The following PRRG4 variants were observed in gnomAD, a reference collection of about 807,000 sequenced individuals.
PRRG4 encodes transmembrane gamma-carboxyglutamic acid protein 4.
A neutral mutation model predicts 20.0 loss-of-function variants in PRRG4; 12 were observed. The observed-to-expected ratio is 0.60, with a 90% confidence interval of 0.38 to 0.97. The LOEUF is 0.97. Among genes scored for constraint, PRRG4 ranks in the 50% least tolerant of loss-of-function variants. The probability of loss-of-function intolerance (pLI) is 0.00; values close to 1 mark genes in which losing one functional copy is unlikely to be tolerated. For missense variants in PRRG4, 199 were observed against 265.1 expected, an observed-to-expected ratio of 0.75 and a Z score of 1.73; for synonymous variants, 94 against 96.4, an observed-to-expected ratio of 0.98 and a Z score of 0.15.
At position 32,836,805 on chromosome 11, in the gene PRRG4, T is replaced by A; in HGVS notation, c.251T>A (p.Val84Glu). 6.2e-7 allele frequency: 1 copy of A among 1,611,654 alleles called. No homozygotes were observed. Among genetic ancestry groups the A allele is most frequent in the Non-Finnish European group, 8.5e-7 (1 of 1,179,070 alleles). ...CNYEEAREIF[V>E]DEDKTIAFWQ... Reference sequence around the variant, plus strand: ...TATGAGGAAGCCAGAGAGATTTTTGTGGATGAAGATAAAACGGTAATGTGG... The same window carrying A: ...TATGAGGAAGCCAGAGAGATTTTTGAGGATGAAGATAAAACGGTAATGTGG... Residue 84 changes from valine (V) to glutamate (E), a missense_variant, in exon 3 of 6, where the codon GTG becomes GAG. Physicochemically the swap from Val to Glu is moderately radical, Grantham distance 121. Transcript: ENST00000257836.
chr11:32,846,816 G>T (rs925917253), intron 5 of PRRG4, among the ~76,000 whole-genome samples: 2 of 152,024 alleles, frequency 1.3e-5, no homozygotes, highest in African/African-American at 2.4e-5. Context: ...TGGCCAACAC[G>T]GTGAAACCCC....
At chr11:32,845,452 C>T (rs1851119912) in intron 5 of PRRG4, among the ~76,000 whole-genome samples, 2 of 151,952 alleles carry the variant, frequency 1.3e-5, no homozygotes, top group South Asian at 2.1e-4. Flanking sequence ...GGTGAAACCC[C>T]GTCTCTCCTA....
At chr11:32,849,365 A>C (rs186247553) in intron 5 of PRRG4, among the ~76,000 whole-genome samples, 1 of 152,156 alleles carries the variant, frequency 6.6e-6, no homozygotes, top group East Asian at 1.9e-4. Flanking sequence ...TTCTCAAAAA[A>C]TAAAATAAAA....
intron 2 of PRRG4, among the ~76,000 whole-genome samples, chr11:32,833,005 T>C (rs1020247894): frequency 6.6e-6 from 1 of 152,102 alleles, no homozygotes; most frequent in East Asian, 1.9e-4. Flanking sequence ...CCTCCAGCCA[T>C]GGTCAAGGGG....
At chr11:32,839,094 G>A (rs1433191088) in intron 4 of PRRG4, among the ~76,000 whole-genome samples, 164 bp downstream of exon 4, 2 of 152,112 alleles carry the variant, frequency 1.3e-5, no homozygotes, top group Non-Finnish European at 2.9e-5. Flanking sequence ...GAAAAGGACA[G>A]ATTCATCTAT....
At chr11:32,848,911 G>A (rs1341840888) in intron 5 of PRRG4, among the ~76,000 whole-genome samples, 1 of 151,724 alleles carries the variant, frequency 6.6e-6, no homozygotes, top group Non-Finnish European at 1.5e-5. Flanking sequence ...GGTGGAGGCT[G>A]CAGTGAGCCG....
At chr11:32,846,215 G>T (rs1851129472) in intron 5 of PRRG4, among the ~76,000 whole-genome samples, 1 of 152,094 alleles carries the variant, frequency 6.6e-6, no homozygotes, top group South Asian at 2.1e-4. Context: ...TCACTATGTT[G>T]CCCAGGCTGA....
intron 3 of PRRG4, 93 bp from the exon 4 acceptor site, chr11:32,838,789 A>G: frequency 1.1e-6 from 1 of 874,190 alleles, no homozygotes; most frequent in Non-Finnish European, 1.9e-6. Flanking sequence ...GTGCATGCCA[A>G]GAGTTTACTA....
At chr11:32,851,946 A>G (rs993813455) in intron 5 of PRRG4, among the ~76,000 whole-genome samples, 3 of 152,200 alleles carry the variant, frequency 2.0e-5, no homozygotes, top group Non-Finnish European at 4.4e-5. Context: ...GATACTTTAT[A>G]AATAGCCTAA....
chr11:32,844,769 G>A (rs1454348304), intron 5 of PRRG4, among the ~76,000 whole-genome samples: 2 of 152,040 alleles, frequency 1.3e-5, no homozygotes, highest in East Asian at 3.9e-4. Context: ...CCAAAGTGCT[G>A]GGATTACAGG....
intron 5 of PRRG4, among the ~76,000 whole-genome samples, chr11:32,846,227 C>T (rs1472362887): frequency 1.3e-5 from 2 of 152,136 alleles, no homozygotes; most frequent in Non-Finnish European, 2.9e-5. Context: ...CCAGGCTGAT[C>T]TGGAACTCCT....
chr11:32,832,465 C>A (rs1349525657), intron 2 of PRRG4, among the ~76,000 whole-genome samples: 1 of 145,476 alleles, frequency 6.9e-6, no homozygotes, highest in Non-Finnish European at 1.5e-5. Context: ...AAATAAAGGA[C>A]CTTTGGTGAA....
In PRRG4 at chr11:32,840,269, T is replaced by C; in HGVS notation, c.449+30T>C. On this transcript the variant is annotated intron_variant, in intron 5 of 5. Transcript: ENST00000257836. The surrounding 1 kb of genome is among the most constrained non-coding windows in gnomAD (Gnocchi z 4.1). The stretch of plus-strand genomic sequence containing the variant: ...GTACTAAGTGAAATTATTTAATTCA[T>C]CACTAGACATTCTATATTATTATTT... The C allele has an allele frequency of 6.8e-7, 1 of 1,462,958 alleles. No homozygotes were observed. Among genetic ancestry groups the C allele is most frequent in the African/African-American group, 1.4e-5 (1 of 71,980 alleles). The allele number at this position is 1,462,958 out of a possible 1,614,324, so 90.6% of individuals were successfully genotyped here. A position where few individuals can be genotyped will look rare whatever the true frequency, so the allele number is the denominator to read the frequency against.
intron 4 of PRRG4, among the ~76,000 whole-genome samples, chr11:32,839,691 AT>A (rs796227861): frequency 0.063 from 8,018 of 127,086 alleles, 363 homozygotes; most frequent in Non-Finnish European, 0.086. Context: ...AAATATAAGT[AT>A]TATATTTTGA....
At chr11:32,833,520 A>T (rs1237591853) in intron 2 of PRRG4, among the ~76,000 whole-genome samples, 1 of 152,218 alleles carries the variant, frequency 6.6e-6, no homozygotes, top group Non-Finnish European at 1.5e-5. Context: ...AGAGGCAGAT[A>T]TCTAATTCTC....
intron 5 of PRRG4, among the ~76,000 whole-genome samples, chr11:32,844,521 G>A (rs1851109898): frequency 7.2e-6 from 1 of 138,744 alleles, no homozygotes; most frequent in African/African-American, 2.7e-5. Context: ...ATTATTTTGA[G>A]ACGGAGTCTA....
Position 32,830,487 on chromosome 11 carries a change from ATT to A in PRRG4, c.-22-13_-22-12del. The A allele has an allele frequency of 2.8e-6, 4 of 1,406,730 alleles. No individual in the cohort carries two copies. Among genetic ancestry groups the A allele is most frequent in the South Asian group, 1.6e-5 (1 of 62,876 alleles). 87.1% of individuals were successfully genotyped at this position (1,406,730 alleles called of 1,614,324 possible). A position where few individuals can be genotyped will look rare whatever the true frequency, so the allele number is the denominator to read the frequency against. On this transcript the variant is annotated intron_variant, in intron 1 of 5. Coordinates refer to ENST00000257836, the MANE Select transcript of PRRG4 (RefSeq NM_024081.6). ...GAGCTAGGGGCCTTTTTTTTTTAAT[ATT>A]TTTTTTTGTTTGTTTTAGTTTGTTT...
rs1851067475 is a variant in PRRG4 at position 32,840,487 on chromosome 11, C to A, written c.449+248C>A. Among the ~76,000 whole-genome samples the A allele has an allele frequency of 6.6e-6, 1 of 152,166 alleles. No homozygotes were observed. The highest frequency in any genetic ancestry group is 2.1e-4 in the South Asian group (1 of 4,832). The stretch of plus-strand genomic sequence containing the variant: ...CAAAACTAAGAAAATGACATTGGTT[C>A]ATGACTATTAACTAAACTCCAGACT... On this transcript the variant is annotated intron_variant, in intron 5 of 5. Transcript: ENST00000257836. The surrounding 1 kb of genome is among the most constrained non-coding windows in gnomAD (Gnocchi z 4.1).
chr11:32,845,671 TGTCAA>T (rs66688177), intron 5 of PRRG4, among the ~76,000 whole-genome samples: 133,559 of 150,586 alleles, frequency 0.89, 59,433 homozygotes, highest in East Asian at 0.99. Context: ...TGGCTAGGAA[TGTCAA>T]GTCAAGCAGG....
Sources: gnomAD v4.1 joint callset for allele counts (sites outside exome capture counted in the v4.1 genomes callset) on GRCh38, gnomAD v4.1.1 for gene constraint, Gnocchi (gnomAD v3.1) non-coding constraint, MANE v1.5 for transcripts, NCBI Gene and HGNC (gene_info 2026-07-23, HGNC 2026-07-21) for gene names.